Variants in SLC35D4 observed in about 807,000 individuals in gnomAD.
The protein encoded by SLC35D4 is solute carrier family 35 member D4.
the SLC35D4 span, among the ~76,000 whole-genome samples, chr18:23,402,949 T>C: frequency 6.6e-6 from 1 of 151,974 alleles, no homozygotes; most frequent in Non-Finnish European, 1.5e-5. Context: ...TTACTAAAAA[T>C]ACAAAAATTA....
the SLC35D4 span, chr18:23,421,586 T>C: frequency 1.5e-6 from 1 of 671,870 alleles, no homozygotes; most frequent in Non-Finnish European, 2.6e-6. Context: ...CTCCCAATTA[T>C]CCCATTTCTC....
chr18:23,415,644 GCCT>G, the SLC35D4 span, among the ~76,000 whole-genome samples: 1 of 152,234 alleles, frequency 6.6e-6, no homozygotes, highest in African/African-American at 2.4e-5. Context: ...AATACAGGAA[GCCT>G]TTAGCAAAGG....
the SLC35D4 span, among the ~76,000 whole-genome samples, chr18:23,303,010 C>A: frequency 1.3e-5 from 2 of 152,252 alleles, no homozygotes; most frequent in African/African-American, 4.8e-5. Context: ...TATACCAGCA[C>A]ACACAATAGG....
the SLC35D4 span, chr18:23,399,544 C>G: frequency 6.2e-7 from 1 of 1,610,690 alleles, no homozygotes; most frequent in Admixed American, 1.7e-5. Flanking sequence ...GGAGTTGTTT[C>G]CCCTGAACCT....
the SLC35D4 span, among the ~76,000 whole-genome samples, chr18:23,284,788 T>C: frequency 4.6e-5 from 7 of 152,250 alleles, no homozygotes; most frequent in Admixed American, 1.3e-4. Flanking sequence ...TGGTGCCACC[T>C]ACCTTCCCTC....
the SLC35D4 span, among the ~76,000 whole-genome samples, chr18:23,285,591 T>A: frequency 2.6e-5 from 4 of 152,170 alleles, no homozygotes; most frequent in Non-Finnish European, 5.9e-5. Context: ...CTGTTCCCAA[T>A]GCAACTTGTC....
At chr18:23,427,187 G>C in the SLC35D4 span, among the ~76,000 whole-genome samples, 11 of 152,286 alleles carry the variant, frequency 7.2e-5, no homozygotes, top group Admixed American at 4.6e-4. Flanking sequence ...TTAAACTAAA[G>C]AGCTTCTGCA....
chr18:23,280,251 C>A, the SLC35D4 span, among the ~76,000 whole-genome samples: 9 of 152,248 alleles, frequency 5.9e-5, no homozygotes, highest in African/African-American at 9.6e-5. Flanking sequence ...AAGCCCAGCA[C>A]AAGCAGACTG....
At chr18:23,331,753 C>T in the SLC35D4 span, among the ~76,000 whole-genome samples, 1 of 152,102 alleles carries the variant, frequency 6.6e-6, no homozygotes, top group Admixed American at 6.6e-5. Flanking sequence ...ATCCCGAATC[C>T]CCTCTGTGGC....
the SLC35D4 span, chr18:23,352,363 A>C: frequency 8.6e-7 from 1 of 1,167,948 alleles, no homozygotes; most frequent in Non-Finnish European, 1.2e-6. Context: ...TGTCTGCTAC[A>C]TTTTACCAAT....
At chr18:23,403,362 T>C in the SLC35D4 span, among the ~76,000 whole-genome samples, 6 of 152,134 alleles carry the variant, frequency 3.9e-5, no homozygotes, top group East Asian at 1.2e-3. Context: ...ACTGACCTAA[T>C]CAGTGAGAAT....
the SLC35D4 span, among the ~76,000 whole-genome samples, chr18:23,302,809 C>G: frequency 6.6e-6 from 1 of 152,200 alleles, no homozygotes; most frequent in African/African-American, 2.4e-5. Context: ...GGAGACCACA[C>G]GCCAACGTGA....
At chr18:23,382,111 G>T in the SLC35D4 span, among the ~76,000 whole-genome samples, 1 of 151,574 alleles carries the variant, frequency 6.6e-6, no homozygotes, top group East Asian at 1.9e-4. Flanking sequence ...ATGGTGGCGG[G>T]CACCTGTAAT....
At chr18:23,375,846 G>C in the SLC35D4 span, among the ~76,000 whole-genome samples, 1 of 152,188 alleles carries the variant, frequency 6.6e-6, no homozygotes. Flanking sequence ...TCACTCATTA[G>C]AAAGTCAATT....
At chr18:23,276,867 C>T in the SLC35D4 span, among the ~76,000 whole-genome samples, 1 of 152,178 alleles carries the variant, frequency 6.6e-6, no homozygotes, top group Non-Finnish European at 1.5e-5. Flanking sequence ...AGGAGCCACA[C>T]GACATGCACT....
the SLC35D4 span, among the ~76,000 whole-genome samples, chr18:23,246,581 T>C: frequency 0.044 from 6,636 of 150,630 alleles, 262 homozygotes; most frequent in East Asian, 0.096. Context: ...TTAGTAGAGA[T>C]GGGGTTTCAC....
chr18:23,246,558 A>ATTT, the SLC35D4 span, among the ~76,000 whole-genome samples: 1 of 151,688 alleles, frequency 6.6e-6, no homozygotes, highest in South Asian at 2.1e-4. Context: ...CACCCGGCTA[A>ATTT]TTTTTTGTGT....
the SLC35D4 span, among the ~76,000 whole-genome samples, chr18:23,421,736 T>C: frequency 2.0e-5 from 3 of 150,460 alleles, no homozygotes; most frequent in Non-Finnish European, 4.4e-5. Context: ...GAGTGCAATG[T>C]TGCAATCTCG....
chr18:23,372,940 A>AGAT, the SLC35D4 span, among the ~76,000 whole-genome samples: 1 of 150,034 alleles, frequency 6.7e-6, no homozygotes, highest in East Asian at 2.0e-4. Flanking sequence ...CCCAGAAATG[A>AGAT]GATGACTACT....
Sources: allele counts gnomAD v4.1 joint callset (sites outside exome capture counted in the v4.1 genomes callset), GRCh38; gene constraint gnomAD v4.1.1; transcripts MANE v1.5; gene names NCBI Gene and HGNC (gene_info 2026-07-23, HGNC 2026-07-21).